Variants in GLCCI1 observed in about 807,000 individuals in gnomAD.
GLCCI1 encodes glucocorticoid induced 1.
A neutral mutation model predicts 52.2 loss-of-function variants in GLCCI1; 24 were observed. The ratio of observed to expected loss-of-function variants is 0.46; its 90% confidence interval spans 0.33 to 0.65. GLCCI1 has a LOEUF of 0.65. Among genes scored for constraint, GLCCI1 ranks in the 30% least tolerant of loss-of-function variants. The pLI is 0.02. For synonymous variants in GLCCI1, 310 were observed against 276.5 expected, an observed-to-expected ratio of 1.12 and a Z score of -1.20; for missense variants, 704 against 701.5, an observed-to-expected ratio of 1.00 and a Z score of -0.04.
chr7:8,043,089 A>G (rs1056274898), intron 3 of GLCCI1, among the ~76,000 whole-genome samples: 13 of 152,266 alleles, frequency 8.5e-5, no homozygotes, highest in Admixed American at 8.5e-4. Flanking sequence ...CTGAAGACTC[A>G]GATGATCATT....
intron 4 of GLCCI1, 54 bp downstream of exon 4, chr7:8,055,603 G>T: frequency 9.8e-7 from 1 of 1,022,476 alleles, no homozygotes; most frequent in South Asian, 1.3e-5. Flanking sequence ...CATTAAGGAA[G>T]GGAATTCATC....
intron 1 of GLCCI1, chr7:7,981,238 ATTTCTTTCTTTCTTTCTTTCTCTTTT>A (rs1248568963): frequency 5.1e-5 from 13 of 253,600 alleles, no homozygotes; most frequent in Middle Eastern, 1.4e-3. Context: ...ATCCTCTGTT[ATTTCTTTCTTTCTTTCTTTCTCTTTT>A]TTTCTTTCTT....
intron 3 of GLCCI1, among the ~76,000 whole-genome samples, chr7:8,038,500 G>A (rs1781918897): frequency 6.6e-6 from 1 of 152,154 alleles, no homozygotes; most frequent in Non-Finnish European, 1.5e-5. Flanking sequence ...AACATATGCT[G>A]GGGAAAGTAC....
intron 3 of GLCCI1, among the ~76,000 whole-genome samples, chr7:8,053,005 A>ACTAT (rs1782293281): frequency 6.8e-6 from 1 of 147,116 alleles, no homozygotes; most frequent in African/African-American, 2.5e-5. Flanking sequence ...TTGGTTTTGT[A>ACTAT]TTATTTATTT....
chr7:8,053,479 C>A (rs1468742695), intron 3 of GLCCI1, among the ~76,000 whole-genome samples: 1 of 150,642 alleles, frequency 6.6e-6, no homozygotes, highest in African/African-American at 2.4e-5. Flanking sequence ...CACACCACCA[C>A]GTCTGGCTAA....
chr7:8,054,619 A>G (rs1335770807), intron 3 of GLCCI1, among the ~76,000 whole-genome samples: 1 of 152,096 alleles, frequency 6.6e-6, no homozygotes, highest in Non-Finnish European at 1.5e-5. Context: ...TTTGGAATAC[A>G]TTATATCTTT....
At position 8,039,895 on chromosome 7, in the gene GLCCI1, G is replaced by T. The variant is rs530923617; in HGVS notation, c.697-15538G>T. On this transcript the variant is annotated intron_variant, in intron 3 of 7. Coordinates refer to ENST00000223145, the MANE Select transcript of GLCCI1 (RefSeq NM_138426.4). ...TCCTGTAATCCCAGTTACTTGGGCG[G>T]TTGAGGCAGGAGAACCACTTGCACC... Among the ~76,000 whole-genome samples, 8 of 151,820 alleles carry T rather than the reference G, an allele frequency of 5.3e-5. No individual in the cohort carries two copies. The South Asian group carries it at 1.7e-3, about 32-fold the overall frequency.
chr7:8,061,652 G>A (rs1228356110), intron 5 of GLCCI1, among the ~76,000 whole-genome samples: 2 of 121,400 alleles, frequency 1.6e-5, no homozygotes, highest in East Asian at 5.4e-4. Flanking sequence ...GTTTACCATT[G>A]AACTCTTTTT....
chr7:8,063,399 G>C (rs1314898707), intron 5 of GLCCI1, among the ~76,000 whole-genome samples: 1 of 151,832 alleles, frequency 6.6e-6, no homozygotes, highest in Non-Finnish European at 1.5e-5. Flanking sequence ...ACCCACCTCA[G>C]CCTCCCAAAG....
intron 4 of GLCCI1, among the ~76,000 whole-genome samples, chr7:8,057,211 G>A (rs111343835): frequency 6.6e-6 from 1 of 151,584 alleles, no homozygotes; most frequent in East Asian, 1.9e-4. Context: ...CAATCCATGA[G>A]AAATAAAAGC....
chr7:8,053,497 A>AT (rs35685744), intron 3 of GLCCI1, among the ~76,000 whole-genome samples: 7,953 of 112,014 alleles, frequency 0.071, 265 homozygotes, highest in African/African-American at 0.098. Flanking sequence ...TAATTTTTGT[A>AT]TTTTTTTTTT....
rs987975478 is a variant in GLCCI1, at chr7:8,085,151, T to C, written c.1298+134T>C. ...TCAAGAGCAAATTATGTAAAGAGAATTGAATAGGCAAGAGAGATCTTACTG... is the reference window on the plus strand; with the variant it reads ...TCAAGAGCAAATTATGTAAAGAGAACTGAATAGGCAAGAGAGATCTTACTG... On this transcript the variant is annotated intron_variant, in intron 7 of 7. Transcript: ENST00000223145. 9 of 956,642 alleles carry C rather than the reference T, an allele frequency of 9.4e-6. No individual in the cohort carries two copies. In the African/African-American group the frequency reaches 1.3e-4, roughly 14 times the overall value. The allele number at this position is 956,642 out of a possible 1,614,324, so 59.3% of individuals were successfully genotyped here.
chr7:8,044,096 C>G (rs1362729401), intron 3 of GLCCI1, among the ~76,000 whole-genome samples: 2 of 152,022 alleles, frequency 1.3e-5, no homozygotes, highest in Non-Finnish European at 2.9e-5. Context: ...AGGCGCCTGC[C>G]ACCATGCCTG....
intron 1 of GLCCI1, among the ~76,000 whole-genome samples, chr7:7,973,002 A>T (rs911995965): frequency 6.6e-6 from 1 of 152,036 alleles, no homozygotes; most frequent in Non-Finnish European, 1.5e-5. Flanking sequence ...TTTGTTATTT[A>T]CATTCATTCC....
chr7:8,009,189 A>G (rs772838855), intron 2 of GLCCI1, among the ~76,000 whole-genome samples: 3 of 152,218 alleles, frequency 2.0e-5, no homozygotes, highest in Non-Finnish European at 4.4e-5. Flanking sequence ...ATATTTTATT[A>G]CTGTAGCCTT....
intron 1 of GLCCI1, among the ~76,000 whole-genome samples, chr7:8,002,726 T>G (rs1176545897): frequency 1.3e-5 from 2 of 152,224 alleles, no homozygotes; most frequent in East Asian, 1.9e-4. Flanking sequence ...AGAGTTAGCC[T>G]TGGGAACCTG....
chr7:8,005,640 A>C (rs1781133715), intron 2 of GLCCI1, among the ~76,000 whole-genome samples: 1 of 152,222 alleles, frequency 6.6e-6, no homozygotes, highest in South Asian at 2.1e-4. Flanking sequence ...GGATTATAGG[A>C]TAATACAAAC....
intron 1 of GLCCI1, among the ~76,000 whole-genome samples, chr7:7,983,076 T>G (rs1363933588): frequency 1.3e-5 from 2 of 152,182 alleles, no homozygotes; most frequent in Admixed American, 6.5e-5. Flanking sequence ...TATGCGGATA[T>G]TCCTGTTTAA....
At chr7:8,008,210 C>T (rs1260686871) in intron 2 of GLCCI1, among the ~76,000 whole-genome samples, 1 of 151,890 alleles carries the variant, frequency 6.6e-6, no homozygotes, top group Non-Finnish European at 1.5e-5. Flanking sequence ...TGTCCTTTGA[C>T]CAGCATCTCC....
Sources: gnomAD v4.1 joint callset for allele counts (sites outside exome capture counted in the v4.1 genomes callset) on GRCh38, gnomAD v4.1.1 for gene constraint, MANE v1.5 for transcripts, NCBI Gene and HGNC (gene_info 2026-07-23, HGNC 2026-07-21) for gene names.